The following PAXIP1 variants were observed in gnomAD, a reference collection of about 807,000 sequenced individuals.
The protein encoded by PAXIP1 is PAX interacting protein 1.
In PAXIP1, 19 loss-of-function variants were observed where a neutral mutation model predicts 140.6. The ratio of observed to expected loss-of-function variants is 0.14; its 90% CI spans 0.09 to 0.20. PAXIP1 has a LOEUF of 0.20. Among genes scored for constraint, PAXIP1 ranks in the 10% least tolerant of loss-of-function variants. The pLI, the probability that PAXIP1 is intolerant of heterozygous loss-of-function variation, is 1.00. For missense variants in PAXIP1, 920 were observed against 1,208.6 expected (o/e 0.76, Z 3.54); for synonymous variants, 442 against 444.6 (o/e 0.99, Z 0.07).
intron 11 of PAXIP1, 38 bp from the exon 12 acceptor site, chr7:154,961,115 G>C (rs1808736934): frequency 1.4e-6 from 2 of 1,382,914 alleles, no homozygotes; most frequent in South Asian, 2.8e-5. Context: ...TTTATTAAAT[G>C]TTAGAGATGT....
chr7:154,976,937 C>T (rs996804366), intron 5 of PAXIP1, among the ~76,000 whole-genome samples: 13 of 152,152 alleles, frequency 8.5e-5, no homozygotes, highest in African/African-American at 3.1e-4. Flanking sequence ...ATATTAAATA[C>T]GGAATGCAAA....
In PAXIP1 at chr7:154,956,795, T is replaced by C. The variant is rs1808532281; in HGVS notation, c.2549+429A>G. 6.4e-6 allele frequency: 1 copy of C among 156,420 alleles called. No individual in the cohort carries two copies. The highest frequency in any genetic ancestry group is 6.5e-5 in the Admixed American group (1 of 15,360). The allele number at this position is 156,420 out of a possible 1,614,324, so 9.7% of individuals were successfully genotyped here. ...CCTACATGCTCTCTCGGCACCTACA[T>C]GCTCTCTCGGCACCTACATGCTCTC... On this transcript the variant is annotated intron_variant, in intron 14 of 20. Transcript: ENST00000404141. The surrounding 1 kb of genome is among the most constrained non-coding windows in gnomAD (Gnocchi z 4.2).
At chr7:154,958,013 G>C (rs1333177661) in intron 13 of PAXIP1, among the ~76,000 whole-genome samples, 1 of 148,060 alleles carries the variant, frequency 6.8e-6, no homozygotes, top group Non-Finnish European at 1.5e-5. Flanking sequence ...AAACATGATT[G>C]AAATTACACC....
chr7:154,996,244 G>A (rs1810603967), intron 2 of PAXIP1, among the ~76,000 whole-genome samples: 1 of 152,180 alleles, frequency 6.6e-6, no homozygotes, highest in African/African-American at 2.4e-5. Flanking sequence ...TGTTGAGTCA[G>A]CTCCGAAGTA....
chr7:154,969,433 A>G (rs1809193824), intron 6 of PAXIP1, among the ~76,000 whole-genome samples: 2 of 152,230 alleles, frequency 1.3e-5, no homozygotes, highest in Non-Finnish European at 2.9e-5. Context: ...AGAGCAGGGC[A>G]TGGGAGTCCT....
At chr7:154,982,623 T>C (rs1809894524) in intron 5 of PAXIP1, among the ~76,000 whole-genome samples, 1 of 152,188 alleles carries the variant, frequency 6.6e-6, no homozygotes, top group African/African-American at 2.4e-5. Flanking sequence ...AGTGCTGGGA[T>C]TACAGGCATG....
chr7:154,978,870 C>T lies in PAXIP1; in HGVS notation c.439-2539G>A, dbSNP rs1158923390. 2.0e-5 allele frequency among the ~76,000 whole-genome samples: 3 copies of T among 152,270 alleles called. No homozygotes were observed. In the East Asian group the frequency reaches 5.8e-4, roughly 29 times the overall value. Reference sequence around the variant, plus strand: ...ATTTTGGATATGAAAAAGATAATTTCACACTTAAAAGGCTGGGATCCAGTA... The same window carrying T: ...ATTTTGGATATGAAAAAGATAATTTTACACTTAAAAGGCTGGGATCCAGTA... On this transcript the variant is annotated intron_variant, in intron 5 of 20. Coordinates refer to ENST00000404141, the MANE Select transcript of PAXIP1 (RefSeq NM_007349.4).
chr7:154,954,414 T>A lies in PAXIP1; in HGVS notation c.2662A>T (p.Ile888Phe). 6.5e-7 allele frequency: 1 copy of A among 1,543,392 alleles called. No individual in the cohort carries two copies. The highest frequency in any genetic ancestry group is 1.2e-5 in the South Asian group (1 of 83,104). Residue 888 changes from isoleucine (I) to phenylalanine (F), a missense_variant, in exon 16 of 21, where the codon ATT becomes TTT. Ile to Phe is a conservative substitution (Grantham distance 21). Coordinates refer to ENST00000404141, the MANE Select transcript of PAXIP1 (RefSeq NM_007349.4). The surrounding 1 kb of genome is among the most constrained non-coding windows in gnomAD (Gnocchi z 5.1). ...GACTCCGCAACCTCTCCACCAAGAA[T>A]GTAGAGCTTCTAAAGGTCACAAACA... ...QVQQYIKKLY[I>F]LGGEVAESAQ...
chr7:154,979,624 G>A (rs1378598789), intron 5 of PAXIP1, among the ~76,000 whole-genome samples: 2 of 125,212 alleles, frequency 1.6e-5, no homozygotes, highest in Admixed American at 1.8e-4. Context: ...TAACATAATC[G>A]TGAATCAAGA....
rs748444305 is a variant in PAXIP1 at position 154,961,559 on chromosome 7, T to G, written c.2217A>C (p.Leu739=). 1.2e-6 allele frequency: 2 copies of G among 1,607,726 alleles called. No homozygotes were observed. Among genetic ancestry groups the G allele is most frequent in the Admixed American group, 1.7e-5 (1 of 59,296 alleles). The change falls in exon 11 of 21, where the codon CTA becomes CTC. Residue 739 remains leucine (L), a synonymous_variant. Coordinates refer to ENST00000404141, the MANE Select transcript of PAXIP1 (RefSeq NM_007349.4). ...YLAGAKYTGY[L]CRSNTVLICK... ...AGATGAGGACTGTGTTGCTGCGGCA[T>G]AGATAACCCGTATATTTGGCACCTG... is the stretch of plus-strand genomic sequence containing the variant.
In PAXIP1 at chr7:154,969,064, C is replaced by T. The variant is rs1003933361; in HGVS notation, c.1137G>A (p.Gln379=). The stretch of plus-strand genomic sequence containing the variant: ...GCACTGCATTGGCATTTGTATGTCC[C>T]TGCTGGCTGTGATTCACCTGCTGTT... ...NLEQQVNHSQ[Q]GHTNANAVLF... Residue 379 remains glutamine, a synonymous_variant, in exon 7 of 21, where the codon CAG becomes CAA. Transcript: ENST00000404141. 3 of 1,518,022 alleles carry T rather than the reference C, an allele frequency of 2.0e-6. No homozygotes were observed. In the African/African-American group the frequency reaches 4.1e-5, roughly 21 times the overall value. The allele number at this position is 1,518,022 out of a possible 1,614,324, so 94.0% of individuals were successfully genotyped here.
At chr7:154,992,462 G>A (rs1305175234) in intron 3 of PAXIP1, among the ~76,000 whole-genome samples, 2 of 152,080 alleles carry the variant, frequency 1.3e-5, no homozygotes, top group Non-Finnish European at 2.9e-5. Flanking sequence ...CAAGAGAATC[G>A]CTTGAACCCA....
At chr7:155,002,783 G>T in intron 1 of PAXIP1, 66 bp downstream of exon 1, 1 of 906,764 alleles carries the variant, frequency 1.1e-6, no homozygotes, top group Non-Finnish European at 1.5e-6. Flanking sequence ...CGGGGACGGG[G>T]ACGGGGACGG....
At chr7:154,967,950 T>C in intron 7 of PAXIP1, 40 bp from the exon 8 acceptor site, 1 of 1,405,320 alleles carries the variant, frequency 7.1e-7, no homozygotes, top group Non-Finnish European at 1.0e-6. Flanking sequence ...ATTAAAACCC[T>C]ATGAATATGC....
Position 154,963,062 on chromosome 7 carries a change from G to A in PAXIP1, c.1990-604C>T, listed in dbSNP as rs1299652399. On this transcript the variant is annotated intron_variant, in intron 9 of 20. Coordinates refer to ENST00000404141, the MANE Select transcript of PAXIP1 (RefSeq NM_007349.4). This position sits in a 1 kb window ranked among gnomAD's most constrained non-coding sequence, Gnocchi z 4.1. ...GTAGTTTTAGAAAAGCTCTGTAAGG[G>A]ACCTGGTCTTTACACGCTTGTGTGC... Among the ~76,000 whole-genome samples the A allele has an allele frequency of 6.6e-6, 1 of 152,180 alleles. No homozygotes were observed. Among genetic ancestry groups the A allele is most frequent in the African/African-American group, 2.4e-5 (1 of 41,450 alleles).
chr7:154,977,678 TCA>T (rs1285222938), intron 5 of PAXIP1, among the ~76,000 whole-genome samples: 1 of 152,212 alleles, frequency 6.6e-6, no homozygotes, highest in African/African-American at 2.4e-5. Flanking sequence ...GTAATCATAA[TCA>T]CACTGACTAG....
In PAXIP1 at chr7:154,995,618, G is replaced by A. The variant is rs544378083; in HGVS notation, c.217-1849C>T. Among the ~76,000 whole-genome samples, 5 of 152,372 alleles carry A rather than the reference G, an allele frequency of 3.3e-5. No homozygotes were observed. In the South Asian group the frequency reaches 1.0e-3, roughly 32 times the overall value. Reference sequence around the variant, plus strand: ...TAATCTCAGCACTTTGGGAGGCCAAGGCGGGCGGATCACTTGAGGTGACAG... The same window carrying A: ...TAATCTCAGCACTTTGGGAGGCCAAAGCGGGCGGATCACTTGAGGTGACAG... On this transcript the variant is annotated intron_variant, in intron 2 of 20. Coordinates refer to ENST00000404141, the MANE Select transcript of PAXIP1 (RefSeq NM_007349.4).
chr7:154,983,340 A>C lies in PAXIP1; in HGVS notation c.325-8T>G. On this transcript the variant is annotated splice_region_variant and splice_polypyrimidine_tract_variant and intron_variant, in intron 4 of 20. Coordinates refer to ENST00000404141, the MANE Select transcript of PAXIP1 (RefSeq NM_007349.4). ...TCTGTCTTCAGATGACACCTGACAG[A>C]AAGTTAGAAAGAAGGCTTTTACCAT... The C allele has an allele frequency of 1.4e-6, 2 of 1,415,328 alleles. No homozygotes were observed. Among genetic ancestry groups the C allele is most frequent in the Non-Finnish European group, 2.0e-6 (2 of 1,002,056 alleles). The allele number at this position is 1,415,328 out of a possible 1,614,324, so 87.7% of individuals were successfully genotyped here. A position where few individuals can be genotyped will look rare whatever the true frequency, so the allele number is the denominator to read the frequency against.
At chr7:154,975,485 C>G (rs1446921338) in intron 6 of PAXIP1, among the ~76,000 whole-genome samples, 2 of 151,416 alleles carry the variant, frequency 1.3e-5, no homozygotes, top group Admixed American at 1.3e-4. Flanking sequence ...TACGCTGTTA[C>G]CCTTTTTCAA....
Sources: gnomAD v4.1 joint callset for allele counts (sites outside exome capture counted in the v4.1 genomes callset) on GRCh38, gnomAD v4.1.1 for gene constraint, Gnocchi (gnomAD v3.1) non-coding constraint, MANE v1.5 for transcripts, NCBI Gene and HGNC (gene_info 2026-07-23, HGNC 2026-07-21) for gene names.